The following MTOR variants were observed in gnomAD, a reference collection of about 807,000 sequenced individuals.
MTOR encodes mechanistic target of rapamycin kinase, also known as serine/threonine-protein kinase mTOR.
A neutral mutation model predicts 319.8 loss-of-function variants in MTOR; 70 were observed. The observed-to-expected ratio is 0.22, with a 90% CI of 0.18 to 0.27. The LOEUF (loss-of-function observed/expected upper bound fraction) is 0.27. MTOR is among the 10% of genes least tolerant of loss of function. The pLI, the probability that MTOR is intolerant of heterozygous loss-of-function variation, is 1.00. For missense variants in MTOR, 1,890 were observed against 3,274.4 expected (o/e 0.58, Z 10.32); for synonymous variants, 1,183 against 1,211.4 (o/e 0.98, Z 0.49).
intron 30 of MTOR, among the ~76,000 whole-genome samples, chr1:11,150,544 T>C (rs922127066): frequency 6.6e-6 from 1 of 152,228 alleles, no homozygotes; most frequent in Non-Finnish European, 1.5e-5. Context: ...TCTGGGCTCT[T>C]TCCCTTTGGC....
rs532718517 is a variant in MTOR, at chr1:11,181,331, A to G, written c.4254-13814T>C. Among the ~76,000 whole-genome samples the G allele has an allele frequency of 1.0e-3, 153 of 152,230 alleles. 1 individual carries two copies. Among genetic ancestry groups the G allele is most frequent in the South Asian group, 5.2e-3 (25 of 4,822 alleles). ...TAGGAATATGTATGCAATATATTAT[A>G]CAATAAGGAAGCTACCTCAAGTTAT... On this transcript the variant is annotated intron_variant, in intron 28 of 57. Transcript: ENST00000361445.
intron 31 of MTOR, among the ~76,000 whole-genome samples, chr1:11,148,727 C>T (rs1311475442): frequency 6.6e-6 from 1 of 152,008 alleles, no homozygotes; most frequent in East Asian, 1.9e-4. Context: ...TGGTGAAACC[C>T]CGTCTCTACT....
intron 28 of MTOR, among the ~76,000 whole-genome samples, chr1:11,190,708 A>G (rs1392936508): frequency 6.6e-6 from 1 of 152,262 alleles, no homozygotes; most frequent in Non-Finnish European, 1.5e-5. Flanking sequence ...GTGGGCCAAC[A>G]TGAATTTACG....
chr1:11,209,220 T>G, intron 25 of MTOR, 92 bp downstream of exon 25: 1 of 1,510,828 alleles, frequency 6.6e-7, no homozygotes, highest in Non-Finnish European at 9.0e-7. Context: ...CCTGGGCTGG[T>G]TTTCGGTTGC....
intron 11 of MTOR, 22 bp downstream of exon 11, chr1:11,240,281 A>C: frequency 6.5e-7 from 1 of 1,533,720 alleles, no homozygotes; most frequent in South Asian, 1.3e-5. Context: ...CTATCTTGGC[A>C]AGAGCCGTTG....
intron 33 of MTOR, 98 bp downstream of exon 33, chr1:11,144,870 C>T: frequency 6.6e-7 from 1 of 1,515,446 alleles, no homozygotes; most frequent in East Asian, 2.3e-5. Flanking sequence ...AGAAAACAGG[C>T]ATGTTTCCAG....
intron 28 of MTOR, among the ~76,000 whole-genome samples, chr1:11,183,862 TAGC>T (rs1201916894): frequency 3.3e-5 from 5 of 152,194 alleles, no homozygotes; most frequent in African/African-American, 1.2e-4. Flanking sequence ...TGAGCTGACT[TAGC>T]AGTCCTTTCC....
chr1:11,204,975 TTGCCACACTCGGG>T (rs1646092547), intron 25 of MTOR, among the ~76,000 whole-genome samples: 3 of 152,186 alleles, frequency 2.0e-5, no homozygotes, highest in South Asian at 4.1e-4. Context: ...ATACATGGGA[TTGCCACACTCGGG>T]TGCATTCGAC....
chr1:11,247,982 C>G lies in MTOR; in HGVS notation c.953G>C (p.Ser318Thr), dbSNP rs1569798900. Reference sequence around the variant, plus strand: ...CTGCTGGGGCTGTACAGCCTGGAAACTGGTGAAGGGGGTAATGTGACGAGG... The same window carrying G: ...CTGCTGGGGCTGTACAGCCTGGAAAGTGGTGAAGGGGGTAATGTGACGAGG... ...TKPRHITPFTSFQAVQPQQSN... is the reference protein window; with the variant it reads ...TKPRHITPFTTFQAVQPQQSN... The change falls in exon 7 of 58, where the codon AGT becomes ACT. Residue 318 changes from serine (S) to threonine (T), a missense_variant. Physicochemically the swap from Ser to Thr is moderately conservative, Grantham distance 58. Transcript: ENST00000361445. The G allele has an allele frequency of 6.2e-7, 1 of 1,614,144 alleles. No homozygotes were observed. The highest frequency in any genetic ancestry group is 1.3e-5 in the African/African-American group (1 of 75,046).
At chr1:11,254,250 C>G (rs1049885944) in intron 5 of MTOR, among the ~76,000 whole-genome samples, 1 of 152,116 alleles carries the variant, frequency 6.6e-6, no homozygotes, top group African/African-American at 2.4e-5. Flanking sequence ...AGTGATTCTC[C>G]TGCCTCAGCC....
intron 36 of MTOR, 153 bp downstream of exon 36, chr1:11,139,151 G>T: frequency 1.9e-6 from 2 of 1,053,422 alleles, no homozygotes; most frequent in Non-Finnish European, 2.8e-6. Flanking sequence ...ATGAAATCAG[G>T]CCAAATAGCT....
chr1:11,248,444 G>A (rs1184106822), intron 6 of MTOR, among the ~76,000 whole-genome samples: 1 of 152,194 alleles, frequency 6.6e-6, no homozygotes, highest in Admixed American at 6.5e-5. Flanking sequence ...GGCTTGCAAA[G>A]GTGATGGGAG....
chr1:11,261,423 GATCGAGCCAC>G lies in MTOR; in HGVS notation c.-15+1012_-15+1021del, dbSNP rs1258111775. Among the ~76,000 whole-genome samples the G allele has an allele frequency of 9.2e-5, 14 of 151,974 alleles. No individual in the cohort carries two copies. In the South Asian group the frequency reaches 2.3e-3, roughly 25 times the overall value. On this transcript the variant is annotated intron_variant, in intron 1 of 57. Coordinates refer to ENST00000361445, the MANE Select transcript of MTOR (RefSeq NM_004958.4). The stretch of plus-strand genomic sequence containing the variant: ...GGAGGCGGAGCTTGCAGTGAGCAGA[GATCGAGCCAC>G]TGCACTCCAGCCTGGGCGACAGAGC...
chr1:11,190,230 G>A (rs2100703072), intron 28 of MTOR, among the ~76,000 whole-genome samples: 1 of 152,334 alleles, frequency 6.6e-6, no homozygotes, highest in African/African-American at 2.4e-5. Flanking sequence ...GCAAGTCTTA[G>A]AAGCAGGGTT....
rs755019017 is a variant in MTOR at position 11,115,089 on chromosome 1, G to T, written c.7090-202C>A. ...AAAAAAAGAAACGAACAACAGAAAAGAAGAGAAAACAAAAAGGAAAAAAGA... is the reference window on the plus strand; with the variant it reads ...AAAAAAAGAAACGAACAACAGAAAATAAGAGAAAACAAAAAGGAAAAAAGA... On this transcript the variant is annotated intron_variant, in intron 51 of 57. Transcript: ENST00000361445. The surrounding 1 kb of genome is among the most constrained non-coding windows in gnomAD (Gnocchi z 4.5). 3.3e-5 allele frequency among the ~76,000 whole-genome samples: 5 copies of T among 151,938 alleles called. No individual in the cohort carries two copies. Among genetic ancestry groups the T allele is most frequent in the Non-Finnish European group, 5.9e-5 (4 of 67,980 alleles).
intron 8 of MTOR, among the ~76,000 whole-genome samples, chr1:11,245,328 G>T (rs72856978): frequency 0.06 from 9,072 of 152,214 alleles, 387 homozygotes; most frequent in South Asian, 0.12. Context: ...CATAAAATAG[G>T]AGAGAAGGGA....
intron 25 of MTOR, among the ~76,000 whole-genome samples, chr1:11,207,870 T>A (rs1557844109): frequency 6.6e-6 from 1 of 152,152 alleles, no homozygotes; most frequent in Non-Finnish European, 1.5e-5. Flanking sequence ...TTGAACTTGA[T>A]CTACTTTCTC....
chr1:11,261,289 T>C (rs994177621), intron 1 of MTOR, among the ~76,000 whole-genome samples: 2 of 141,290 alleles, frequency 1.4e-5, no homozygotes, highest in Admixed American at 7.1e-5. Context: ...CACGGTGAAA[T>C]CCCGCCTCTA....
At chr1:11,124,076 C>T (rs959885076) in intron 47 of MTOR, among the ~76,000 whole-genome samples, 1 of 152,232 alleles carries the variant, frequency 6.6e-6, no homozygotes, top group Non-Finnish European at 1.5e-5. Flanking sequence ...GCATGGGCCA[C>T]CGTGCCCGGT....
Sources: allele counts gnomAD v4.1 joint callset (sites outside exome capture counted in the v4.1 genomes callset), GRCh38; gene constraint gnomAD v4.1.1; non-coding constraint Gnocchi (gnomAD v3.1); transcripts MANE v1.5; gene names NCBI Gene and HGNC (gene_info 2026-07-23, HGNC 2026-07-21).